ASB18: variants seen among roughly 807,000 people sequenced by gnomAD.
The protein encoded by ASB18 is ankyrin repeat and SOCS box containing 18.
In ASB18, 33 loss-of-function variants were observed where a neutral mutation model predicts 33.4. That is an observed-to-expected ratio of 0.99 (90% CI 0.75 to 1.32). ASB18 has a LOEUF of 1.32. Ranked by LOEUF, ASB18 falls within the 40% of genes most tolerant of loss-of-function variation. The pLI is 0.00. For missense variants in ASB18, 694 were observed against 655.5 expected, an observed-to-expected ratio of 1.06 and a Z score of -0.64; for synonymous variants, 295 against 307.6, an observed-to-expected ratio of 0.96 and a Z score of 0.43.
At position 236,211,666 on chromosome 2, in the gene ASB18, A is replaced by G. The variant is rs1301385475; in HGVS notation, c.1101+2696T>C. Among the ~76,000 whole-genome samples, 1 of 152,160 alleles carries G rather than the reference A, an allele frequency of 6.6e-6. No homozygotes were observed. Among genetic ancestry groups the G allele is most frequent in the Non-Finnish European group, 1.5e-5 (1 of 68,032 alleles). On this transcript the variant is annotated intron_variant, in intron 4 of 5. Transcript: ENST00000409749. The surrounding 1 kb of genome is among the most constrained non-coding windows in gnomAD (Gnocchi z 5.0). The stretch of plus-strand genomic sequence containing the variant: ...GCTGGCTGCAGCGTCTGTTGCTTTG[A>G]TGTCGCACATGATTAGATGCCGTCC...
Position 236,216,120 on chromosome 2 carries a change from C to G in ASB18, c.597-1254G>C, listed in dbSNP as rs529576356. ...CAAGCCGGAGTCCATTCTTCACCCC[C>G]CTCCTTTTCTCTGCGGGTCTGCCGA... On this transcript the variant is annotated intron_variant, in intron 3 of 5. Transcript: ENST00000409749. The surrounding 1 kb of genome is among the most constrained non-coding windows in gnomAD (Gnocchi z 6.1). Among the ~76,000 whole-genome samples, 1 of 152,194 alleles carries G rather than the reference C, an allele frequency of 6.6e-6. No homozygotes were observed. The highest frequency in any genetic ancestry group is 6.5e-5 in the Admixed American group (1 of 15,288).
rs1559336419 is a variant in ASB18 at position 236,241,770 on chromosome 2, C to T, written c.206-368G>A. On this transcript the variant is annotated intron_variant, in intron 1 of 5. Transcript: ENST00000409749. This position sits in a 1 kb window ranked among gnomAD's most constrained non-coding sequence, Gnocchi z 4.2. ...CAGATGCTAACTCTGGAGACAGACA[C>T]ATCTGGATAGCTCCAAAGCAGCTCT... Among the ~76,000 whole-genome samples, 1 of 152,164 alleles carries T rather than the reference C, an allele frequency of 6.6e-6. No individual in the cohort carries two copies.
chr2:236,202,814 T>TATATATATATATATATACATATACACAC (rs1472095135), intron 4 of ASB18, among the ~76,000 whole-genome samples: 1 of 126,574 alleles, frequency 7.9e-6, no homozygotes, highest in African/African-American at 3.2e-5. Flanking sequence ...TATATATATA[T>TATATATATATATATATACATATACACAC]ACACACACCT....
Position 236,252,472 on chromosome 2 carries a change from C to T in ASB18, c.206-11070G>A, listed in dbSNP as rs2060672637. Reference sequence around the variant, plus strand: ...AGTGATGGGGTAGGGATAGGGCCAGCTTCCCCCTAATATGGCATCTGAGCA... The same window carrying T: ...AGTGATGGGGTAGGGATAGGGCCAGTTTCCCCCTAATATGGCATCTGAGCA... On this transcript the variant is annotated intron_variant, in intron 1 of 5. Transcript: ENST00000409749. This position sits in a 1 kb window ranked among gnomAD's most constrained non-coding sequence, Gnocchi z 7.9. Among the ~76,000 whole-genome samples, 1 of 152,128 alleles carries T rather than the reference C, an allele frequency of 6.6e-6. No individual in the cohort carries two copies. The highest frequency in any genetic ancestry group is 2.4e-5 in the African/African-American group (1 of 41,420).
At chr2:236,218,552 A>G (rs1405336449) in intron 3 of ASB18, among the ~76,000 whole-genome samples, 1 of 152,186 alleles carries the variant, frequency 6.6e-6, no homozygotes, top group African/African-American at 2.4e-5. Flanking sequence ...TAATTCCAGC[A>G]CTTTGGGAGG....
At position 236,244,543 on chromosome 2, in the gene ASB18, G is replaced by A. The variant is rs1399103690; in HGVS notation, c.206-3141C>T. Among the ~76,000 whole-genome samples the A allele has an allele frequency of 6.6e-6, 1 of 152,174 alleles. No individual in the cohort carries two copies. The highest frequency in any genetic ancestry group is 1.5e-5 in the Non-Finnish European group (1 of 68,030). On this transcript the variant is annotated intron_variant, in intron 1 of 5. Transcript: ENST00000409749. The surrounding 1 kb of genome is among the most constrained non-coding windows in gnomAD (Gnocchi z 6.1). ...CCTTGGTCACAGTCGAGCTTCCTAA[G>A]CCTCCTTTTATGCCAGTTTCTTCTC... is the stretch of plus-strand genomic sequence containing the variant.
intron 1 of ASB18, among the ~76,000 whole-genome samples, chr2:236,261,227 C>T (rs1387392106): frequency 6.6e-6 from 1 of 152,194 alleles, no homozygotes; most frequent in East Asian, 1.9e-4. Context: ...CAAGGTCACA[C>T]AGGTCATGGG....
At position 236,255,157 on chromosome 2, in the gene ASB18, T is replaced by G. The variant is rs538775200; in HGVS notation, c.205+8984A>C. Among the ~76,000 whole-genome samples, 15 of 152,278 alleles carry G rather than the reference T, an allele frequency of 9.9e-5. No individual in the cohort carries two copies. The South Asian group carries it at 3.1e-3, about 32-fold the overall frequency. On this transcript the variant is annotated intron_variant, in intron 1 of 5. Coordinates refer to ENST00000409749, the MANE Select transcript of ASB18 (RefSeq NM_212556.4). The surrounding 1 kb of genome is among the most constrained non-coding windows in gnomAD (Gnocchi z 4.4). ...TTTCTTTCTTTTTCTTTTTTTTCTT[T>G]CTTTGAGACGGAGTCTCATTCTGTC...
In ASB18 at chr2:236,222,119, C is replaced by T. The variant is rs889298666; in HGVS notation, c.597-7253G>A. 2.6e-5 allele frequency among the ~76,000 whole-genome samples: 4 copies of T among 152,196 alleles called. No individual in the cohort carries two copies. The highest frequency in any genetic ancestry group is 9.6e-5 in the African/African-American group (4 of 41,452). On this transcript the variant is annotated intron_variant, in intron 3 of 5. Transcript: ENST00000409749. The surrounding 1 kb of genome is among the most constrained non-coding windows in gnomAD (Gnocchi z 5.5). ...GAAGGACGGGGAAGCCACAGCTCCACGACTTTGATGGAGGAGCGGTTCCAC... is the reference window on the plus strand; with the variant it reads ...GAAGGACGGGGAAGCCACAGCTCCATGACTTTGATGGAGGAGCGGTTCCAC...
rs2060595159 is a variant in ASB18 at position 236,237,036 on chromosome 2, C to T, written c.596+653G>A. ...CTCTCTGGGGACGGGGGCTGCGGGA[C>T]CCCCAGACCCCGCGCCCGGGCGCGA... On this transcript the variant is annotated intron_variant, in intron 3 of 5. Transcript: ENST00000409749. This position sits in a 1 kb window ranked among gnomAD's most constrained non-coding sequence, Gnocchi z 6.2. 3.3e-5 allele frequency among the ~76,000 whole-genome samples: 5 copies of T among 151,778 alleles called. No homozygotes were observed. The South Asian group carries it at 8.3e-4, about 25-fold the overall frequency.
At chr2:236,236,535 A>G (rs1057101486) in intron 3 of ASB18, among the ~76,000 whole-genome samples, 7 of 152,232 alleles carry the variant, frequency 4.6e-5, no homozygotes, top group African/African-American at 1.4e-4. Context: ...TGTCAATCAC[A>G]CCTCGGTAAA....
intron 4 of ASB18, among the ~76,000 whole-genome samples, chr2:236,199,595 A>C (rs191595409): frequency 6.0e-4 from 91 of 151,394 alleles, no homozygotes; most frequent in Non-Finnish European, 1.1e-3. Context: ...ATCAGGCTAG[A>C]TCTTCACCGT....
In ASB18 at chr2:236,249,702, T is replaced by C. The variant is rs2060660821; in HGVS notation, c.206-8300A>G. ...GACAGAGGAAGCTTATTTGTGTGGG[T>C]GGACCGTGGCAGAATACTAAACAAA... On this transcript the variant is annotated intron_variant, in intron 1 of 5. Coordinates refer to ENST00000409749, the MANE Select transcript of ASB18 (RefSeq NM_212556.4). This position sits in a 1 kb window ranked among gnomAD's most constrained non-coding sequence, Gnocchi z 4.6. 1 of 152,110 alleles carries C rather than the reference T, an allele frequency of 6.6e-6. No homozygotes were observed. Among genetic ancestry groups the C allele is most frequent in the African/African-American group, 2.4e-5 (1 of 41,406 alleles). The allele number at this position is 152,110 out of a possible 1,614,324, so 9.4% of individuals were successfully genotyped here.
At chr2:236,210,079 C>T (rs2060452585) in intron 4 of ASB18, among the ~76,000 whole-genome samples, 1 of 152,204 alleles carries the variant, frequency 6.6e-6, no homozygotes, top group African/African-American at 2.4e-5. Flanking sequence ...CAGCACTTCT[C>T]ACCATGGCAA....
chr2:236,200,119 G>A lies in ASB18; in HGVS notation c.1102-3734C>T, dbSNP rs2060393274. On this transcript the variant is annotated intron_variant, in intron 4 of 5. Coordinates refer to ENST00000409749, the MANE Select transcript of ASB18 (RefSeq NM_212556.4). This position sits in a 1 kb window ranked among gnomAD's most constrained non-coding sequence, Gnocchi z 4.2. ...TCCAGCATTTTGGGAGGCCGAGGTG[G>A]GTGGATCACCTGAGGTCAGGAGTTC... Among the ~76,000 whole-genome samples the A allele has an allele frequency of 6.6e-6, 1 of 152,164 alleles. No homozygotes were observed. The highest frequency in any genetic ancestry group is 1.5e-5 in the Non-Finnish European group (1 of 68,030).
rs1176620410 is a variant in ASB18 at position 236,205,747 on chromosome 2, A to G, written c.1101+8615T>C. Among the ~76,000 whole-genome samples the G allele has an allele frequency of 6.6e-6, 1 of 152,238 alleles. No homozygotes were observed. Among genetic ancestry groups the G allele is most frequent in the East Asian group, 1.9e-4 (1 of 5,204 alleles). On this transcript the variant is annotated intron_variant, in intron 4 of 5. Transcript: ENST00000409749. The surrounding 1 kb of genome is among the most constrained non-coding windows in gnomAD (Gnocchi z 5.4). Reference sequence around the variant, plus strand: ...GTTTTATGAACCCTTGATATCTAAAAGTGTCTTTCATCATCAAAATGAAAG... The same window carrying G: ...GTTTTATGAACCCTTGATATCTAAAGGTGTCTTTCATCATCAAAATGAAAG...
Position 236,264,387 on chromosome 2 carries a change from T to C in ASB18, c.-42A>G, listed in dbSNP as rs751303042. 3.0e-5 allele frequency: 46 copies of C among 1,548,468 alleles called. No homozygotes were observed. The highest frequency in any genetic ancestry group is 2.7e-5 in the Non-Finnish European group (30 of 1,122,298). On this transcript the variant is annotated 5_prime_UTR_variant, in exon 1 of 6. Coordinates refer to ENST00000409749, the MANE Select transcript of ASB18 (RefSeq NM_212556.4). The surrounding 1 kb of genome is among the most constrained non-coding windows in gnomAD (Gnocchi z 5.1). ...CAGTGACCAGCCCTTCTTTTCTTCC[T>C]CTAAAGCGACTCCAAAGTCAGCAGC...
rs755975047 is a variant in ASB18 at position 236,214,490 on chromosome 2, C to T, written c.973G>A (p.Gly325Ser). ...ACGCGGCCCAGCGGCGAGGCCCCGC[C>T]ATAGTCGAGCGCGCCCGCGTCGGCG... The part of the protein sequence containing the change: ...HGADAGALDY[G>S]GASPLGRVLQ... Residue 325 changes from glycine to serine, a missense_variant, in exon 4 of 6, where the codon GGC becomes AGC. Transcript: ENST00000409749. The surrounding 1 kb of genome is among the most constrained non-coding windows in gnomAD (Gnocchi z 6.5). 6.6e-7 allele frequency: 1 copy of T among 1,507,304 alleles called. No individual in the cohort carries two copies. The highest frequency in any genetic ancestry group is 8.8e-7 in the Non-Finnish European group (1 of 1,136,172). 93.4% of individuals were successfully genotyped at this position (1,507,304 alleles called of 1,614,324 possible). A position where few individuals can be genotyped will look rare whatever the true frequency, so the allele number is the denominator to read the frequency against.
At position 236,200,491 on chromosome 2, in the gene ASB18, C is replaced by T. The variant is rs1391141145; in HGVS notation, c.1102-4106G>A. Among the ~76,000 whole-genome samples, 2 of 152,222 alleles carry T rather than the reference C, an allele frequency of 1.3e-5. No individual in the cohort carries two copies. The highest frequency in any genetic ancestry group is 2.9e-5 in the Non-Finnish European group (2 of 68,042). On this transcript the variant is annotated intron_variant, in intron 4 of 5. Transcript: ENST00000409749. The surrounding 1 kb of genome is among the most constrained non-coding windows in gnomAD (Gnocchi z 4.2). ...GGGTCGTGGCAGAGGTATTACCACC[C>T]TGGGCTGAAGGGCCAGTCAGGTGAG...
Sources: gnomAD v4.1 joint callset for allele counts (sites outside exome capture counted in the v4.1 genomes callset) on GRCh38, gnomAD v4.1.1 for gene constraint, Gnocchi (gnomAD v3.1) non-coding constraint, MANE v1.5 for transcripts, NCBI Gene and HGNC (gene_info 2026-07-23, HGNC 2026-07-21) for gene names.